The following CAPN7 variants were observed in gnomAD, a reference collection of about 807,000 sequenced individuals.
CAPN7 encodes calpain 7, also known as calpain-7.
Under a neutral mutation model 115.2 loss-of-function variants are expected in CAPN7, and 72 were observed. The ratio of observed to expected loss-of-function variants is 0.63; its 90% CI spans 0.52 to 0.76. CAPN7 has a LOEUF of 0.76. Among genes scored for constraint, CAPN7 ranks in the 30% least tolerant of loss-of-function variants. The pLI, the probability that CAPN7 is intolerant of heterozygous loss-of-function variation, is 0.00. For synonymous variants in CAPN7, 344 were observed against 322.3 expected, an observed-to-expected ratio of 1.07 and a Z score of -0.72; for missense variants, 905 against 971.5, an observed-to-expected ratio of 0.93 and a Z score of 0.91.
intron 1 of CAPN7, among the ~76,000 whole-genome samples, chr3:15,208,426 A>G (rs1034212549): frequency 3.3e-5 from 5 of 150,518 alleles, no homozygotes; most frequent in African/African-American, 4.9e-5. Flanking sequence ...TGGTGGGACT[A>G]CAGGTAGACA....
chr3:15,227,857 A>G lies in CAPN7; in HGVS notation c.744A>G (p.Leu248=), dbSNP rs1694420345. ...PMPFCDRWGK[L]PLSPKQKTTF... ...ACCTCAGTGATAGATGGGGCAAGCT[A>G]CCATTATCACCTAAACAAAAAACTA... The change falls in exon 7 of 21, where the codon CTA becomes CTG. Residue 248 remains leucine (L), a synonymous_variant. Coordinates refer to ENST00000253693, the MANE Select transcript of CAPN7 (RefSeq NM_014296.3). The G allele has an allele frequency of 1.3e-6, 2 of 1,536,236 alleles. No homozygotes were observed. The highest frequency in any genetic ancestry group is 1.8e-6 in the Non-Finnish European group (2 of 1,140,142).
chr3:15,223,428 A>G (rs759762285), intron 5 of CAPN7, 47 bp from the exon 6 acceptor site: 3 of 1,148,814 alleles, frequency 2.6e-6, no homozygotes, highest in South Asian at 2.5e-5. Flanking sequence ...TAAGATTGGC[A>G]ATTAAGGTAA....
chr3:15,242,004 A>AT (rs1256027222), intron 15 of CAPN7, among the ~76,000 whole-genome samples, 174 bp from the exon 16 acceptor site: 3 of 152,216 alleles, frequency 2.0e-5, no homozygotes, highest in Non-Finnish European at 4.4e-5. Context: ...TAAAATGACA[A>AT]TTTAATTCAG....
At position 15,240,489 on chromosome 3, in the gene CAPN7, A is replaced by G. The variant is rs762423547; in HGVS notation, c.1424A>G (p.Gln475Arg). 1 of 1,610,650 alleles carries G rather than the reference A, an allele frequency of 6.2e-7. No homozygotes were observed. The highest frequency in any genetic ancestry group is 8.5e-7 in the Non-Finnish European group (1 of 1,179,364). The part of the protein sequence containing the change: ...IREFKGLRFI[Q>R]LKNPWSHLRW... ...TTTATATAGGGGCTGCGATTTATCC[A>G]GTTGAAAAATCCTTGGAGTCATTTA... The change falls in exon 13 of 21, where the codon CAG becomes CGG. Residue 475 changes from glutamine to arginine, a missense_variant. Coordinates refer to ENST00000253693, the MANE Select transcript of CAPN7 (RefSeq NM_014296.3).
Position 15,252,181 on chromosome 3 carries a change from T to G in CAPN7, c.*921T>G, listed in dbSNP as rs1696032954. On this transcript the variant is annotated 3_prime_UTR_variant, in exon 21 of 21. Coordinates refer to ENST00000253693, the MANE Select transcript of CAPN7 (RefSeq NM_014296.3). Reference sequence around the variant, plus strand: ...ATAAAAACCCATCAGGACAGAATGATGCTCAATATTTTAAAATTCTAAAAA... The same window carrying G: ...ATAAAAACCCATCAGGACAGAATGAGGCTCAATATTTTAAAATTCTAAAAA... The G allele has an allele frequency of 6.6e-6, 1 of 152,646 alleles. No homozygotes were observed. The highest frequency in any genetic ancestry group is 2.4e-5 in the African/African-American group (1 of 41,464). The allele number at this position is 152,646 out of a possible 1,614,324, so 9.5% of individuals were successfully genotyped here. A position where few individuals can be genotyped will look rare whatever the true frequency, so the allele number is the denominator to read the frequency against.
In CAPN7 at chr3:15,251,328, C is replaced by A. The variant is rs1695996470; in HGVS notation, c.*68C>A. The A allele has an allele frequency of 7.9e-7, 1 of 1,267,188 alleles. No individual in the cohort carries two copies. Among genetic ancestry groups the A allele is most frequent in the Non-Finnish European group, 1.1e-6 (1 of 908,226 alleles). The allele number at this position is 1,267,188 out of a possible 1,614,324, so 78.5% of individuals were successfully genotyped here. A position where few individuals can be genotyped will look rare whatever the true frequency, so the allele number is the denominator to read the frequency against. ...CAGTTCTTCAAATAAGGACGCAAAT[C>A]TTCAGGACAGTAAGCAGAACAATCA... On this transcript the variant is annotated 3_prime_UTR_variant, in exon 21 of 21. Transcript: ENST00000253693.
chr3:15,227,859 C>A lies in CAPN7; in HGVS notation c.746C>A (p.Pro249Gln). The A allele has an allele frequency of 6.5e-7, 1 of 1,533,862 alleles. No individual in the cohort carries two copies. The highest frequency in any genetic ancestry group is 2.0e-5 in the Admixed American group (1 of 50,002). Residue 249 changes from proline to glutamine, a missense_variant, in exon 7 of 21, where the codon CCA (proline) becomes CAA (glutamine). Coordinates refer to ENST00000253693, the MANE Select transcript of CAPN7 (RefSeq NM_014296.3). ...CTCAGTGATAGATGGGGCAAGCTAC[C>A]ATTATCACCTAAACAAAAAACTACA... is the stretch of plus-strand genomic sequence containing the variant. ...MPFCDRWGKL[P>Q]LSPKQKTTFS... is the part of the protein sequence containing the mutation.
Position 15,251,735 on chromosome 3 carries a change from A to G in CAPN7, c.*475A>G, listed in dbSNP as rs893164611. The stretch of plus-strand genomic sequence containing the variant: ...TTGATTCTACTATACATCTTGGGCA[A>G]CTAGTTACCAAATGAATTGTGCCAC... On this transcript the variant is annotated 3_prime_UTR_variant, in exon 21 of 21. Transcript: ENST00000253693. 3 of 152,482 alleles carry G rather than the reference A, an allele frequency of 2.0e-5. No homozygotes were observed. Among genetic ancestry groups the G allele is most frequent in the Admixed American group, 2.0e-4 (3 of 15,306 alleles). The allele number at this position is 152,482 out of a possible 1,614,324, so 9.4% of individuals were successfully genotyped here. A position where few individuals can be genotyped will look rare whatever the true frequency, so the allele number is the denominator to read the frequency against.
chr3:15,207,598 C>T (rs1239472265), intron 1 of CAPN7, among the ~76,000 whole-genome samples: 1 of 151,726 alleles, frequency 6.6e-6, no homozygotes, highest in African/African-American at 2.4e-5. Flanking sequence ...TGCAGTTACA[C>T]AAACATTTTC....
At chr3:15,214,189 A>G (rs2045114000) in intron 2 of CAPN7, among the ~76,000 whole-genome samples, 1 of 152,216 alleles carries the variant, frequency 6.6e-6, no homozygotes, top group South Asian at 2.1e-4. Context: ...CTTAAAAAGG[A>G]TTTTTAAAGC....
At chr3:15,229,553 CTTTTT>C (rs61081705) in intron 8 of CAPN7, among the ~76,000 whole-genome samples, 1 of 88,306 alleles carries the variant, frequency 1.1e-5, no homozygotes, top group African/African-American at 3.8e-5. Flanking sequence ...ATTGGTTTTA[CTTTTT>C]TTCTTTTTTT....
At chr3:15,206,646 G>T (rs769256543) in intron 1 of CAPN7, 49 bp downstream of exon 1, 2 of 1,366,128 alleles carry the variant, frequency 1.5e-6, no homozygotes, top group East Asian at 5.4e-5. Flanking sequence ...TCGGAGTGCG[G>T]CCCGGGCCTG....
At chr3:15,230,568 G>A (rs1280882050) in intron 9 of CAPN7, 33 bp downstream of exon 9, 1 of 1,215,756 alleles carries the variant, frequency 8.2e-7, no homozygotes, top group Admixed American at 1.7e-5. Flanking sequence ...CCCATCCCTT[G>A]TCTCTCTCCG....
At chr3:15,228,229 A>T (rs1487606776) in intron 7 of CAPN7, among the ~76,000 whole-genome samples, 1 of 152,150 alleles carries the variant, frequency 6.6e-6, no homozygotes, top group East Asian at 1.9e-4. Context: ...TCTGAATTTC[A>T]CCTTTGATAA....
In CAPN7 at chr3:15,218,072, T is replaced by C. The variant is rs202032049; in HGVS notation, c.370-401T>C. 2.0e-5 allele frequency among the ~76,000 whole-genome samples: 3 copies of C among 152,302 alleles called. No individual in the cohort carries two copies. In the East Asian group the frequency reaches 5.8e-4, roughly 29 times the overall value. ...CAGTGTATTTGACAGGAGGATGAGG[T>C]AAAGTAGTTGAGACTGGTATCCCCA... On this transcript the variant is annotated intron_variant, in intron 3 of 20. Transcript: ENST00000253693.
Position 15,232,403 on chromosome 3 carries a change from C to T in CAPN7, c.1033-116C>T, listed in dbSNP as rs1480465750. 26 of 719,094 alleles carry T rather than the reference C, an allele frequency of 3.6e-5. 1 individual carries two copies. In the Admixed American group the frequency reaches 6.0e-4, roughly 16 times the overall value. The allele number at this position is 719,094 out of a possible 1,614,324, so 44.5% of individuals were successfully genotyped here. On this transcript the variant is annotated intron_variant, in intron 9 of 20. Coordinates refer to ENST00000253693, the MANE Select transcript of CAPN7 (RefSeq NM_014296.3). ...ATTCTAGAAACATTACCTTAATAGC[C>T]GTCAGCATATTGTGCGTTATATTTT...
At chr3:15,212,924 C>T (rs2045037717) in intron 2 of CAPN7, among the ~76,000 whole-genome samples, 1 of 152,186 alleles carries the variant, frequency 6.6e-6, no homozygotes, top group Non-Finnish European at 1.5e-5. Flanking sequence ...TTCTACCACT[C>T]ATTTTGAGTA....
At chr3:15,237,599 T>C (rs1028893261) in intron 12 of CAPN7, among the ~76,000 whole-genome samples, 3 of 152,168 alleles carry the variant, frequency 2.0e-5, no homozygotes, top group African/African-American at 4.8e-5. Context: ...GCAAAAAATA[T>C]AAAAATTATG....
At chr3:15,236,783 CACAGTAAAAAT>C (rs1431659594) in intron 12 of CAPN7, among the ~76,000 whole-genome samples, 1 of 152,078 alleles carries the variant, frequency 6.6e-6, no homozygotes, top group Non-Finnish European at 1.5e-5. Flanking sequence ...CATAGAAAAA[CACAGTAAAAAT>C]ACAGTATAAA....
Sources: gnomAD v4.1 joint callset for allele counts (sites outside exome capture counted in the v4.1 genomes callset) on GRCh38, gnomAD v4.1.1 for gene constraint, MANE v1.5 for transcripts, NCBI Gene and HGNC (gene_info 2026-07-23, HGNC 2026-07-21) for gene names.